Variants in NPNT observed in about 807,000 individuals in gnomAD.
The protein encoded by NPNT is preosteoblast EGF-like repeat protein with MAM domain.
A neutral mutation model predicts 68.6 loss-of-function variants in NPNT; 45 were observed. The ratio of observed to expected loss-of-function variants is 0.66; its 90% CI spans 0.52 to 0.84. The LOEUF is 0.84. Among genes scored for constraint, NPNT ranks in the 40% least tolerant of loss-of-function variants. The pLI is 0.00. For missense variants in NPNT, 672 were observed against 714.8 expected, an observed-to-expected ratio of 0.94 and a Z score of 0.68; for synonymous variants, 233 against 253.3, an observed-to-expected ratio of 0.92 and a Z score of 0.76.
At chr4:105,938,769 G>T (rs1560920254) in intron 5 of NPNT, among the ~76,000 whole-genome samples, 1 of 152,172 alleles carries the variant, frequency 6.6e-6, no homozygotes, top group African/African-American at 2.4e-5. Flanking sequence ...TAGCTAGATT[G>T]TATGTGTTGT....
rs1731481347 is a variant in NPNT at position 105,959,136 on chromosome 4, T to C, written c.1345+10T>C. Reference sequence around the variant, plus strand: ...ATCAGGGACCCAGCAGGTAAAACCATTTCATTTAACTTTTTCTGGTACACA... The same window carrying C: ...ATCAGGGACCCAGCAGGTAAAACCACTTCATTTAACTTTTTCTGGTACACA... On this transcript the variant is annotated intron_variant, in intron 10 of 11. Coordinates refer to ENST00000379987, the MANE Select transcript of NPNT (RefSeq NM_001033047.3). 2 of 1,579,774 alleles carry C rather than the reference T, an allele frequency of 1.3e-6. No homozygotes were observed. The highest frequency in any genetic ancestry group is 2.7e-5 in the African/African-American group (2 of 74,182).
intron 1 of NPNT, 136 bp downstream of exon 1, chr4:105,895,859 G>A: frequency 2.6e-6 from 2 of 757,042 alleles, no homozygotes; most frequent in South Asian, 1.7e-5. Flanking sequence ...ACCGCACAGC[G>A]TGGCGCGAGG....
rs552926423 is a variant in NPNT at position 105,895,719 on chromosome 4, G to C, written c.67G>C (p.Gly23Arg). ...LYLQAAAEFD[G>R]RWPRQIVSSI... Reference sequence around the variant, plus strand: ...CCTGCAGGCGGCCGCCGAGTTCGACGGGAGGTGAGCTGGGCCCCGGGGCGC... The same window carrying C: ...CCTGCAGGCGGCCGCCGAGTTCGACCGGAGGTGAGCTGGGCCCCGGGGCGC... Residue 23 changes from glycine (G) to arginine (R), a missense_variant, in exon 1 of 12, where the codon GGG becomes CGG. Gly to Arg is a moderately radical substitution (Grantham distance 125). Coordinates refer to ENST00000379987, the MANE Select transcript of NPNT (RefSeq NM_001033047.3). The C allele has an allele frequency of 1.1e-5, 17 of 1,552,852 alleles. No individual in the cohort carries two copies. Among genetic ancestry groups the C allele is most frequent in the African/African-American group, 4.1e-5 (3 of 73,310 alleles).
At chr4:105,913,013 G>A (rs1350291559) in intron 2 of NPNT, among the ~76,000 whole-genome samples, 5 of 152,136 alleles carry the variant, frequency 3.3e-5, no homozygotes, top group Non-Finnish European at 7.4e-5. Context: ...GATTACAGGC[G>A]CCCACCACAA....
chr4:105,956,942 A>G (rs1004814460), intron 8 of NPNT, among the ~76,000 whole-genome samples: 42 of 152,192 alleles, frequency 2.8e-4, no homozygotes, highest in African/African-American at 9.2e-4. Flanking sequence ...GTAGTAAGCT[A>G]AAAACAACTT....
chr4:105,955,869 G>A (rs949182996), intron 8 of NPNT, among the ~76,000 whole-genome samples: 1 of 151,950 alleles, frequency 6.6e-6, no homozygotes, highest in African/African-American at 2.4e-5. Flanking sequence ...TCCCATACTG[G>A]TATGTGTGAG....
intron 2 of NPNT, among the ~76,000 whole-genome samples, chr4:105,915,452 A>G (rs1293891915): frequency 6.6e-6 from 1 of 152,168 alleles, no homozygotes; most frequent in Non-Finnish European, 1.5e-5. Context: ...TTACCTAAAC[A>G]GTCTGAGCTA....
Position 105,927,377 on chromosome 4 carries a change from C to G in NPNT, c.214C>G (p.Pro72Ala), listed in dbSNP as rs1728767669. 1.9e-6 allele frequency: 3 copies of G among 1,612,912 alleles called. No homozygotes were observed. The highest frequency in any genetic ancestry group is 2.5e-6 in the Non-Finnish European group (3 of 1,179,282). The change falls in exon 3 of 12, where the codon CCA (proline) becomes GCA (alanine). Residue 72 changes from proline to alanine, a missense_variant. Pro to Ala is a conservative substitution (Grantham distance 27). Coordinates refer to ENST00000379987, the MANE Select transcript of NPNT (RefSeq NM_001033047.3). ...ATGCAAACATGGTGAATGTATCGGG[C>G]CAAACAAGTGCAAGTGTCATCCTGG... ...PRCKHGECIG[P>A]NKCKCHPGYA...
chr4:105,918,553 G>A (rs1000800106), intron 2 of NPNT, among the ~76,000 whole-genome samples: 8 of 152,102 alleles, frequency 5.3e-5, no homozygotes, highest in Non-Finnish European at 1.2e-4. Context: ...ATTTTTTCTA[G>A]CACTACATCT....
intron 8 of NPNT, among the ~76,000 whole-genome samples, chr4:105,945,055 T>C (rs1293970074): frequency 2.6e-5 from 4 of 152,214 alleles, no homozygotes; most frequent in Non-Finnish European, 5.9e-5. Context: ...CCTCATTTCA[T>C]AAATTTTTAG....
At chr4:105,923,674 T>C (rs998185149) in intron 2 of NPNT, among the ~76,000 whole-genome samples, 1 of 152,162 alleles carries the variant, frequency 6.6e-6, no homozygotes, top group East Asian at 1.9e-4. Flanking sequence ...ATGCACGTTC[T>C]AGGCGAGAAC....
At chr4:105,936,883 A>G (rs1477184776) in intron 3 of NPNT, 126 bp from the exon 4 acceptor site, 6 of 916,334 alleles carry the variant, frequency 6.5e-6, no homozygotes, top group South Asian at 1.9e-5. Context: ...TCTCTTATGT[A>G]AATGACAGTT....
At chr4:105,967,095 G>GAAAAAA in intron 10 of NPNT, 93 bp from the exon 11 acceptor site, 4 of 1,035,860 alleles carry the variant, frequency 3.9e-6, no homozygotes, top group East Asian at 2.9e-5. Flanking sequence ...ACAAAGAAAA[G>GAAAAAA]AAAAAAAAAA....
chr4:105,933,746 C>T (rs1349168529), intron 3 of NPNT, among the ~76,000 whole-genome samples: 1 of 151,982 alleles, frequency 6.6e-6, no homozygotes, highest in Admixed American at 6.6e-5. Flanking sequence ...GATTTTTTTC[C>T]TGAAGTTTAA....
intron 11 of NPNT, 120 bp from the exon 12 acceptor site, chr4:105,968,775 T>A: frequency 3.3e-6 from 2 of 607,454 alleles, no homozygotes; most frequent in Admixed American, 2.9e-5. Flanking sequence ...TCTGTTTTTT[T>A]CCTCCTGCAA....
chr4:105,930,921 C>A (rs1287889063), intron 3 of NPNT, among the ~76,000 whole-genome samples: 3 of 152,110 alleles, frequency 2.0e-5, no homozygotes, highest in Non-Finnish European at 4.4e-5. Flanking sequence ...GCTTGATCTT[C>A]CCCACTAAGT....
chr4:105,911,510 C>G (rs1727361007), intron 2 of NPNT: 1 of 152,192 alleles, frequency 6.6e-6, no homozygotes, highest in Non-Finnish European at 1.5e-5. Flanking sequence ...TGATCAAACA[C>G]TGACCATTAT....
intron 2 of NPNT, among the ~76,000 whole-genome samples, chr4:105,900,713 T>G (rs915836679): frequency 6.6e-6 from 1 of 152,160 alleles, no homozygotes; most frequent in Non-Finnish European, 1.5e-5. Flanking sequence ...GTCCTGCTGC[T>G]TCCTGCCTGT....
chr4:105,971,049 C>A lies in NPNT; in HGVS notation c.*2059C>A. ...GTGGCGGTGGTTTTCAATGTTTCTT[C>A]ATGTTAAAGGTATAAGCCTTTCATT... On this transcript the variant is annotated 3_prime_UTR_variant, in exon 12 of 12. Coordinates refer to ENST00000379987, the MANE Select transcript of NPNT (RefSeq NM_001033047.3). 1 of 375,244 alleles carries A rather than the reference C, an allele frequency of 2.7e-6. No individual in the cohort carries two copies. Among genetic ancestry groups the A allele is most frequent in the Non-Finnish European group, 5.5e-6 (1 of 183,174 alleles). 23.2% of individuals were successfully genotyped at this position (375,244 alleles called of 1,614,324 possible).
Sources: allele counts gnomAD v4.1 joint callset (sites outside exome capture counted in the v4.1 genomes callset), GRCh38; gene constraint gnomAD v4.1.1; transcripts MANE v1.5; gene names NCBI Gene and HGNC (gene_info 2026-07-23, HGNC 2026-07-21).